HECW1: variants seen among roughly 807,000 people sequenced by gnomAD.
HECW1 encodes E3 ubiquitin-protein ligase HECW1.
In HECW1, 61 loss-of-function variants were observed where a neutral mutation model predicts 182.3. The observed-to-expected ratio is 0.33, with a 90% confidence interval of 0.27 to 0.41. HECW1 has a LOEUF of 0.41. Among genes scored for constraint, HECW1 ranks in the 10% least tolerant of loss-of-function variants. HECW1 has a pLI of 1.00. For synonymous variants in HECW1, 859 were observed against 832.6 expected, an observed-to-expected ratio of 1.03 and a Z score of -0.55; for missense variants, 1,739 against 2,108.9, an observed-to-expected ratio of 0.82 and a Z score of 3.44.
chr7:43,177,105 T>C (rs1792333869), intron 2 of HECW1, among the ~76,000 whole-genome samples: 1 of 151,980 alleles, frequency 6.6e-6, no homozygotes, highest in African/African-American at 2.4e-5. Flanking sequence ...ATTTTTGCGA[T>C]TTGCATATAA....
At chr7:43,158,738 G>A (rs143507135) in intron 2 of HECW1, among the ~76,000 whole-genome samples, 111 of 152,202 alleles carry the variant, frequency 7.3e-4, no homozygotes, top group Middle Eastern at 3.4e-3. Context: ...CTCTCCCTGG[G>A]TTCCAGTTAC....
At chr7:43,552,860 C>T (rs144127285) in intron 28 of HECW1, among the ~76,000 whole-genome samples, 15 of 152,350 alleles carry the variant, frequency 9.8e-5, no homozygotes, top group African/African-American at 3.6e-4. Context: ...GGAGCTTGTA[C>T]ATGCCTTTCT....
chr7:43,512,942 C>T (rs1358859803), intron 24 of HECW1, among the ~76,000 whole-genome samples: 1 of 152,158 alleles, frequency 6.6e-6, no homozygotes, highest in Non-Finnish European at 1.5e-5. Context: ...CTTTATCCTT[C>T]GCTGACCTTC....
chr7:43,462,979 G>A (rs2077640821), intron 13 of HECW1, among the ~76,000 whole-genome samples: 1 of 152,162 alleles, frequency 6.6e-6, no homozygotes, highest in Non-Finnish European at 1.5e-5. Flanking sequence ...CATCTCGACT[G>A]TGTGTGTTTA....
intron 2 of HECW1, among the ~76,000 whole-genome samples, chr7:43,176,454 TG>T (rs1174177809): frequency 2.6e-5 from 4 of 152,228 alleles, no homozygotes; most frequent in African/African-American, 7.2e-5. Flanking sequence ...ATTCTTTATT[TG>T]AATCCTGTAG....
intron 29 of HECW1, among the ~76,000 whole-genome samples, chr7:43,555,948 T>C (rs943332644): frequency 4.6e-5 from 7 of 152,264 alleles, no homozygotes; most frequent in Non-Finnish European, 7.3e-5. Context: ...GGAAACATCT[T>C]GCTTTTATTT....
At chr7:43,540,975 C>G (rs2081342975) in intron 24 of HECW1, among the ~76,000 whole-genome samples, 188 bp from the exon 25 acceptor site, 1 of 152,194 alleles carries the variant, frequency 6.6e-6, no homozygotes, top group African/African-American at 2.4e-5. Context: ...TAGTCCCTAA[C>G]AAGCACACAG....
intron 2 of HECW1, among the ~76,000 whole-genome samples, chr7:43,222,497 G>T (rs1337766462): frequency 6.6e-6 from 1 of 152,196 alleles, no homozygotes; most frequent in Non-Finnish European, 1.5e-5. Context: ...GAGGATTGAA[G>T]TGCCTTGAGG....
At chr7:43,275,367 G>A (rs1043697773) in intron 3 of HECW1, among the ~76,000 whole-genome samples, 11 of 152,108 alleles carry the variant, frequency 7.2e-5, no homozygotes, top group African/African-American at 2.7e-4. Flanking sequence ...AAATACACAT[G>A]CATGCATTGA....
intron 26 of HECW1, among the ~76,000 whole-genome samples, chr7:43,546,699 G>A (rs534528764): frequency 6.6e-6 from 1 of 152,156 alleles, no homozygotes; most frequent in Non-Finnish European, 1.5e-5. Flanking sequence ...AGCACTGACA[G>A]AACCAATCCA....
chr7:43,520,567 T>C (rs188840894), intron 24 of HECW1, among the ~76,000 whole-genome samples: 2 of 152,344 alleles, frequency 1.3e-5, no homozygotes, highest in African/African-American at 4.8e-5. Context: ...TCATGATTTC[T>C]TCATGATTTC....
chr7:43,496,772 C>T (rs753762615), intron 19 of HECW1, among the ~76,000 whole-genome samples: 6 of 152,018 alleles, frequency 3.9e-5, no homozygotes, highest in Admixed American at 1.3e-4. Context: ...CAGTGACTTG[C>T]GGTGAAAAGC....
Position 43,444,976 on chromosome 7 carries a change from G to A in HECW1, c.1804G>A (p.Glu602Lys). The change falls in exon 11 of 30, where the codon GAG (glutamate) becomes AAG (lysine). Residue 602 changes from glutamate to lysine, a missense_variant. Glu to Lys is a moderately conservative substitution (Grantham distance 56). This residue lies in a region of HECW1 where 971 missense variants were observed against 1,029.1 expected (regional missense o/e 0.94). Transcript: ENST00000395891. This position sits in a 1 kb window ranked among gnomAD's most constrained non-coding sequence, Gnocchi z 4.3. ...KDSSEKDGLS[E>K]VDTVAADPSA... ...CTCCTCGGAGAAGGATGGGCTCAGC[G>A]AGGTGGACACGGTGGCCGCTGACCC... 6.4e-7 allele frequency: 1 copy of A among 1,563,184 alleles called. No homozygotes were observed. Among genetic ancestry groups the A allele is most frequent in the Non-Finnish European group, 8.7e-7 (1 of 1,153,250 alleles).
chr7:43,557,834 A>C (rs1445586513), intron 29 of HECW1, among the ~76,000 whole-genome samples: 1 of 152,232 alleles, frequency 6.6e-6, no homozygotes, highest in Non-Finnish European at 1.5e-5. Flanking sequence ...AAGTTCCTCA[A>C]AACAGCACTT....
chr7:43,136,089 ATT>A (rs1787506070), intron 2 of HECW1, among the ~76,000 whole-genome samples: 2 of 143,382 alleles, frequency 1.4e-5, no homozygotes, highest in South Asian at 4.4e-4. Flanking sequence ...TTCTCAGTTT[ATT>A]CACCTTTGGA....
chr7:43,181,726 G>A (rs1460964675), intron 2 of HECW1, among the ~76,000 whole-genome samples: 1 of 150,710 alleles, frequency 6.6e-6, no homozygotes, highest in Non-Finnish European at 1.5e-5. Context: ...AATATATTCT[G>A]GATATTAACT....
chr7:43,501,940 A>G (rs957120681), intron 21 of HECW1, among the ~76,000 whole-genome samples: 3 of 152,260 alleles, frequency 2.0e-5, no homozygotes, highest in Admixed American at 6.5e-5. Context: ...AATAAAGTGT[A>G]ATTGGACCTC....
intron 15 of HECW1, among the ~76,000 whole-genome samples, chr7:43,467,404 C>T (rs2077824314): frequency 6.6e-6 from 1 of 152,000 alleles, no homozygotes; most frequent in Admixed American, 6.6e-5. Flanking sequence ...GGGGATAAGT[C>T]CAGGGTGGTG....
At chr7:43,512,914 G>A (rs1018170450) in intron 24 of HECW1, among the ~76,000 whole-genome samples, 1 of 152,200 alleles carries the variant, frequency 6.6e-6, no homozygotes, top group East Asian at 1.9e-4. Flanking sequence ...ATCTTTTTTT[G>A]TTGTTGTTAT....
Sources: gnomAD v4.1 joint callset for allele counts (sites outside exome capture counted in the v4.1 genomes callset) on GRCh38, gnomAD v4.1.1 for gene constraint, gnomAD v4.1.1 regional missense constraint, Gnocchi (gnomAD v3.1) non-coding constraint, MANE v1.5 for transcripts, NCBI Gene and HGNC (gene_info 2026-07-23, HGNC 2026-07-21) for gene names.